The following CADPS2 variants were observed in gnomAD, a reference collection of about 807,000 sequenced individuals.
The protein encoded by CADPS2 is calcium dependent secretion activator 2.
A neutral mutation model predicts 172.5 loss-of-function variants in CADPS2; 93 were observed. The ratio of observed to expected loss-of-function variants is 0.54; its 90% CI spans 0.46 to 0.64. The LOEUF is 0.64. CADPS2 is among the 30% of genes least tolerant of loss of function. The pLI is 0.00. For synonymous variants in CADPS2, 546 were observed against 555.2 expected (o/e 0.98, Z 0.23); for missense variants, 1,420 against 1,565.9 (o/e 0.91, Z 1.57).
chr7:122,330,853 GCTA>G (rs1285671265), intron 28 of CADPS2: 2 of 152,294 alleles, frequency 1.3e-5, no homozygotes, highest in East Asian at 3.9e-4. Context: ...CCCCATTTAT[GCTA>G]CTATTTGCTG....
chr7:122,511,638 C>G (rs1033526724), intron 9 of CADPS2, among the ~76,000 whole-genome samples: 2 of 152,042 alleles, frequency 1.3e-5, no homozygotes, highest in African/African-American at 4.8e-5. Context: ...CTAGTTTATG[C>G]TAACAACATT....
intron 3 of CADPS2, among the ~76,000 whole-genome samples, chr7:122,635,887 T>G (rs1005200237): frequency 6.6e-6 from 1 of 152,032 alleles, no homozygotes; most frequent in Admixed American, 6.6e-5. Context: ...TTGTTATTGG[T>G]TTCAAATCTA....
intron 8 of CADPS2, among the ~76,000 whole-genome samples, chr7:122,541,630 T>C (rs2062979006): frequency 1.4e-5 from 2 of 146,212 alleles, no homozygotes; most frequent in African/African-American, 2.5e-5. Flanking sequence ...CATATATATT[T>C]TCATATATTC....
chr7:122,554,649 T>A lies in CADPS2; in HGVS notation c.1376A>T (p.Glu459Val). The change falls in exon 8 of 30, where the codon GAA (glutamate) becomes GTA (valine). Residue 459 changes from glutamate to valine, a missense_variant. Coordinates refer to ENST00000449022, the MANE Select transcript of CADPS2 (RefSeq NM_017954.11). The part of the protein sequence containing the change: ...YPTSNSSKSA[E>V]LHRMVVPKNS... ...TTTTGGAACTACCATTCGGTGTAAT[T>A]CAGCTGATTTGGAGCTATTAGAAGT... The A allele has an allele frequency of 6.2e-7, 1 of 1,611,058 alleles. No homozygotes were observed. The highest frequency in any genetic ancestry group is 1.1e-5 in the South Asian group (1 of 90,634).
At chr7:122,651,224 A>G (rs997909287) in intron 3 of CADPS2, among the ~76,000 whole-genome samples, 2 of 151,194 alleles carry the variant, frequency 1.3e-5, no homozygotes, top group African/African-American at 2.4e-5. Flanking sequence ...ACTGTATGTT[A>G]AATGAAACCT....
chr7:122,709,309 C>T (rs1347575268), intron 2 of CADPS2, among the ~76,000 whole-genome samples: 1 of 152,020 alleles, frequency 6.6e-6, no homozygotes, highest in East Asian at 1.9e-4. Flanking sequence ...TGAAAAAATG[C>T]TCATCATCAC....
At chr7:122,366,533 A>G (rs1383518078) in intron 25 of CADPS2, among the ~76,000 whole-genome samples, 1 of 150,612 alleles carries the variant, frequency 6.6e-6, no homozygotes, top group African/African-American at 2.4e-5. Context: ...TGAACCTGGG[A>G]GATGGAGGTT....
intron 2 of CADPS2, chr7:122,698,515 G>A (rs1381879514): frequency 6.2e-7 from 1 of 1,614,038 alleles, no homozygotes; most frequent in Non-Finnish European, 8.5e-7. Flanking sequence ...CTGGTTGCCA[G>A]TACCTGGAAC....
In CADPS2 at chr7:122,407,693, A is replaced by C. The variant is rs2046816577; in HGVS notation, c.2593T>G (p.Phe865Val). 1 of 1,606,584 alleles carries C rather than the reference A, an allele frequency of 6.2e-7. No individual in the cohort carries two copies. The highest frequency in any genetic ancestry group is 8.5e-7 in the Non-Finnish European group (1 of 1,176,434). ...GCCAATAAATCAGGCCACCAGGCAAATGCCTACAAAAGGATAAAAACATAA... is the reference window on the plus strand; with the variant it reads ...GCCAATAAATCAGGCCACCAGGCAACTGCCTACAAAAGGATAAAAACATAA... ...EEHHAEGREA[F>V]AWWPDLLAEH... The change falls in exon 20 of 30, where the codon TTT becomes GTT. Residue 865 changes from phenylalanine to valine, a missense_variant. Coordinates refer to ENST00000449022, the MANE Select transcript of CADPS2 (RefSeq NM_017954.11).
At chr7:122,596,019 G>A (rs2071714912) in intron 6 of CADPS2, among the ~76,000 whole-genome samples, 1 of 152,042 alleles carries the variant, frequency 6.6e-6, no homozygotes, top group African/African-American at 2.4e-5. Flanking sequence ...GCAGCCTCAG[G>A]AGTCTGGTCA....
intron 1 of CADPS2, among the ~76,000 whole-genome samples, chr7:122,752,960 T>C (rs2093011317): frequency 6.6e-6 from 1 of 152,098 alleles, no homozygotes; most frequent in African/African-American, 2.4e-5. Context: ...AGATGGAGAA[T>C]AAATGGGAGT....
chr7:122,605,796 G>T (rs1373095770), intron 6 of CADPS2, among the ~76,000 whole-genome samples: 1 of 151,968 alleles, frequency 6.6e-6, no homozygotes, highest in Non-Finnish European at 1.5e-5. Context: ...ACATTTATTA[G>T]ATATGCATCT....
chr7:122,882,028 A>G (rs927903548), intron 1 of CADPS2, among the ~76,000 whole-genome samples: 3 of 152,274 alleles, frequency 2.0e-5, no homozygotes, highest in East Asian at 3.9e-4. Context: ...TAAAACCTGG[A>G]AAGTACCACT....
chr7:122,870,773 G>T (rs80225592), intron 1 of CADPS2, among the ~76,000 whole-genome samples: 2 of 151,944 alleles, frequency 1.3e-5, no homozygotes, highest in East Asian at 3.9e-4. Context: ...GAGATTAAAA[G>T]CGCTATCTTG....
chr7:122,882,977 C>T (rs1309524801), intron 1 of CADPS2, among the ~76,000 whole-genome samples: 5 of 152,034 alleles, frequency 3.3e-5, no homozygotes. Flanking sequence ...CCATATGCAC[C>T]CCCAGAATTT....
At chr7:122,679,264 C>CTGGGGGGGG (rs2082723046) in intron 2 of CADPS2, among the ~76,000 whole-genome samples, 1 of 14,734 alleles carries the variant, frequency 6.8e-5, no homozygotes, top group Admixed American at 1.2e-3. Flanking sequence ...GAATGCATTC[C>CTGGGGGGGG]TGGGGGGGGG....
At chr7:122,874,025 ATT>A (rs1393136584) in intron 1 of CADPS2, among the ~76,000 whole-genome samples, 2 of 151,700 alleles carry the variant, frequency 1.3e-5, no homozygotes, top group Non-Finnish European at 2.9e-5. Flanking sequence ...TTTCTTGTAA[ATT>A]TGTTTAAGTT....
At chr7:122,827,644 AG>A (rs1406122414) in intron 1 of CADPS2, among the ~76,000 whole-genome samples, 10 of 151,858 alleles carry the variant, frequency 6.6e-5, no homozygotes, top group Non-Finnish European at 1.5e-5. Context: ...AAAAAAAAAA[AG>A]AAATGAAAAG....
At chr7:122,654,290 C>T (rs1444000427) in intron 3 of CADPS2, among the ~76,000 whole-genome samples, 1 of 152,216 alleles carries the variant, frequency 6.6e-6, no homozygotes, top group African/African-American at 2.4e-5. Flanking sequence ...AAAGTGACTA[C>T]ACTAAACAAC....
Sources: allele counts gnomAD v4.1 joint callset (sites outside exome capture counted in the v4.1 genomes callset), GRCh38; gene constraint gnomAD v4.1.1; transcripts MANE v1.5; gene names NCBI Gene and HGNC (gene_info 2026-07-23, HGNC 2026-07-21).